The following CLASP1 variants were observed in gnomAD, a reference collection of about 807,000 sequenced individuals.
CLASP1 encodes CLIP-associating protein 1.
CLASP1 carries 38 observed loss-of-function variants against 192.3 expected under a neutral mutation model. The ratio of observed to expected loss-of-function variants is 0.20; its 90% CI spans 0.15 to 0.26. The LOEUF (loss-of-function observed/expected upper bound fraction) is 0.26, where lower values mean the gene tolerates loss of function less well. Ranked by LOEUF, CLASP1 falls within the 10% of genes least tolerant of loss-of-function variation. The pLI is 1.00. For synonymous variants in CLASP1, 691 were observed against 712.8 expected, an observed-to-expected ratio of 0.97 and a Z score of 0.49; for missense variants, 1,433 against 1,932.5, an observed-to-expected ratio of 0.74 and a Z score of 4.85.
At chr2:121,560,211 C>A (rs1316716522) in intron 2 of CLASP1, among the ~76,000 whole-genome samples, 2 of 152,162 alleles carry the variant, frequency 1.3e-5, no homozygotes, top group Admixed American at 1.3e-4. Flanking sequence ...AGTGCAGCTA[C>A]AGGAAAGAAT....
intron 19 of CLASP1, among the ~76,000 whole-genome samples, chr2:121,443,592 T>C (rs554847336): frequency 2.6e-5 from 4 of 152,332 alleles, no homozygotes; most frequent in Admixed American, 6.5e-5. Context: ...CTGTCAGACA[T>C]GACGTCCTCA....
At position 121,525,371 on chromosome 2, in the gene CLASP1, G is replaced by A. The variant is rs957709749; in HGVS notation, c.546+474C>T. On this transcript the variant is annotated intron_variant, in intron 6 of 39. Coordinates refer to ENST00000263710, the Ensembl canonical transcript of CLASP1. The stretch of plus-strand genomic sequence containing the variant: ...CAGTTCTTAAGGGTTCAGTTGAGGA[G>A]TTTCCACGATGATATACACAGTGGA... Among the ~76,000 whole-genome samples the A allele has an allele frequency of 3.3e-5, 5 of 152,166 alleles. No homozygotes were observed. In the East Asian group the frequency reaches 9.6e-4, roughly 29 times the overall value.
chr2:121,558,510 T>C (rs1031590103), intron 2 of CLASP1, among the ~76,000 whole-genome samples: 1 of 152,138 alleles, frequency 6.6e-6, no homozygotes, highest in Admixed American at 6.5e-5. Flanking sequence ...AATTAATGGG[T>C]TATCACGGGA....
chr2:121,491,722 C>T (rs986642148), intron 8 of CLASP1, among the ~76,000 whole-genome samples: 2 of 152,176 alleles, frequency 1.3e-5, no homozygotes, highest in African/African-American at 4.8e-5. Context: ...GAAAGGCCTT[C>T]GGGTAACCTA....
intron 19 of CLASP1, among the ~76,000 whole-genome samples, chr2:121,438,416 T>C (rs2082687021): frequency 6.6e-6 from 1 of 152,182 alleles, no homozygotes; most frequent in South Asian, 2.1e-4. Flanking sequence ...ATTTTTTGTG[T>C]TGTTTTGTTT....
chr2:121,420,860 A>C (rs536699803), intron 22 of CLASP1, among the ~76,000 whole-genome samples: 1 of 152,330 alleles, frequency 6.6e-6, no homozygotes, highest in South Asian at 2.1e-4. Flanking sequence ...TTTTCGTCTG[A>C]GTCTGTTTTG....
chr2:121,485,547 T>C (rs1218566709), intron 8 of CLASP1, among the ~76,000 whole-genome samples: 2 of 152,208 alleles, frequency 1.3e-5, no homozygotes, highest in East Asian at 3.9e-4. Flanking sequence ...TGTGTGTGTG[T>C]TTTTCCTTCA....
At chr2:121,367,482 C>T in intron 35 of CLASP1, 106 bp downstream of exon 36, 2 of 1,438,200 alleles carry the variant, frequency 1.4e-6, no homozygotes, top group Non-Finnish European at 1.9e-6. Flanking sequence ...AGAACAGACC[C>T]AGCGTCTCCA....
chr2:121,538,142 T>C (rs2104951457), intron 2 of CLASP1, among the ~76,000 whole-genome samples: 1 of 152,104 alleles, frequency 6.6e-6, no homozygotes, highest in East Asian at 1.9e-4. Flanking sequence ...TGGCCAGGTG[T>C]GGTGGCTCAG....
intron 2 of CLASP1, among the ~76,000 whole-genome samples, chr2:121,562,773 G>A (rs1400585826): frequency 2.6e-5 from 4 of 152,162 alleles, no homozygotes; most frequent in Non-Finnish European, 1.5e-5. Context: ...ATGTGGCCTG[G>A]TACAGAGAAC....
intron 32 of CLASP1, among the ~76,000 whole-genome samples, chr2:121,385,507 T>G (rs1230708516): frequency 6.6e-6 from 1 of 152,220 alleles, no homozygotes; most frequent in African/African-American, 2.4e-5. Context: ...AAAACACAAT[T>G]TTTAATGACT....
chr2:121,473,826 T>A (rs2091183895), intron 8 of CLASP1, among the ~76,000 whole-genome samples: 1 of 152,204 alleles, frequency 6.6e-6, no homozygotes, highest in Non-Finnish European at 1.5e-5. Flanking sequence ...GGTATTCACC[T>A]AGAAGTACCC....
chr2:121,583,853 G>A (rs1049794499), intron 2 of CLASP1, among the ~76,000 whole-genome samples: 6 of 152,056 alleles, frequency 3.9e-5, no homozygotes, highest in African/African-American at 1.5e-4. Flanking sequence ...TCATGAATGA[G>A]ACTAACACTT....
intron 8 of CLASP1, among the ~76,000 whole-genome samples, chr2:121,478,643 A>C (rs868496505): frequency 0.06 from 4,637 of 77,222 alleles, 132 homozygotes; most frequent in East Asian, 0.19. Flanking sequence ...ACACACACAC[A>C]CCCCCCACAC....
At chr2:121,459,654 C>T (rs796484999) in intron 12 of CLASP1, 21 of 203,536 alleles carry the variant, frequency 1.0e-4, no homozygotes, top group African/African-American at 3.2e-4. Flanking sequence ...CTGATAAACA[C>T]GCTATTGCCT....
intron 7 of CLASP1, among the ~76,000 whole-genome samples, chr2:121,513,992 A>T (rs1432412140): frequency 1.3e-5 from 2 of 152,230 alleles, no homozygotes; most frequent in African/African-American, 4.8e-5. Context: ...ACTTGTTGGG[A>T]ATGGTGGGGG....
chr2:121,352,346 T>C (rs1462480874), intron 37 of CLASP1, among the ~76,000 whole-genome samples: 1 of 152,228 alleles, frequency 6.6e-6, no homozygotes, highest in East Asian at 1.9e-4. Flanking sequence ...ACTCCATGCA[T>C]GCCACCAATG....
intron 32 of CLASP1, among the ~76,000 whole-genome samples, chr2:121,385,934 A>C (rs960140043): frequency 1.1e-4 from 17 of 152,328 alleles, no homozygotes; most frequent in South Asian, 4.1e-4. Flanking sequence ...ACACAGACCA[A>C]ATCTGGAGAC....
chr2:121,458,067 G>A (rs1311994301), intron 13 of CLASP1, among the ~76,000 whole-genome samples: 1 of 152,138 alleles, frequency 6.6e-6, no homozygotes, highest in East Asian at 1.9e-4. Context: ...GGAGTCATCA[G>A]ACCAATATAT....
Sources: gnomAD v4.1 joint callset for allele counts (sites outside exome capture counted in the v4.1 genomes callset) on GRCh38, gnomAD v4.1.1 for gene constraint, MANE v1.5 for transcripts, NCBI Gene and HGNC (gene_info 2026-07-23, HGNC 2026-07-21) for gene names.